WDR17: variants seen among roughly 807,000 people sequenced by gnomAD.
WDR17 encodes the protein WD repeat domain 17, also known as WD repeat-containing protein 17.
A neutral mutation model predicts 161.7 loss-of-function variants in WDR17; 143 were observed. That is an observed-to-expected ratio of 0.88 (90% confidence interval 0.77 to 1.02). The LOEUF (loss-of-function observed/expected upper bound fraction) is 1.02. Among genes scored for constraint, WDR17 ranks in the 50% least tolerant of loss-of-function variants. The probability of loss-of-function intolerance (pLI) is 0.00; values close to 1 mark genes in which losing one functional copy is unlikely to be tolerated. For missense variants in WDR17, 1,469 were observed against 1,520.9 expected, an observed-to-expected ratio of 0.97 and a Z score of 0.57; for synonymous variants, 517 against 515.6, an observed-to-expected ratio of 1.00 and a Z score of -0.04.
At chr4:176,087,619 C>A (rs1038524728) in intron 1 of WDR17, among the ~76,000 whole-genome samples, 1 of 152,034 alleles carries the variant, frequency 6.6e-6, no homozygotes, top group African/African-American at 2.4e-5. Context: ...ACTACTCTTA[C>A]ATACATGTTT....
rs1742894882 is a variant in WDR17 at position 176,128,836 on chromosome 4, C to G, written c.889C>G (p.Leu297Val). Residue 297 changes from leucine to valine, a missense_variant, in exon 6 of 29, where the codon CTT becomes GTT. Transcript: ENST00000508596. ...KKTGFHCLHV[L>V]NSPPRKKFSV... ...AACAGGATTTCACTGCTTACATGTA[C>G]TTAATTCTCCTCCAAGAAAAAAGTG... The G allele has an allele frequency of 6.3e-7, 1 of 1,575,778 alleles. No homozygotes were observed. The highest frequency in any genetic ancestry group is 8.6e-7 in the Non-Finnish European group (1 of 1,166,162).
chr4:176,108,719 G>C (rs1739219879), intron 1 of WDR17, among the ~76,000 whole-genome samples: 1 of 152,040 alleles, frequency 6.6e-6, no homozygotes. Flanking sequence ...GCTCAATTTT[G>C]CTGTTTTTCT....
chr4:176,072,601 T>G (rs1374498371), intron 1 of WDR17, among the ~76,000 whole-genome samples: 1 of 152,176 alleles, frequency 6.6e-6, no homozygotes, highest in African/African-American at 2.4e-5. Flanking sequence ...CTCAAGTTAG[T>G]GGGCCAATGG....
Position 176,182,065 on chromosome 4 carries a change from ATTT to A in WDR17, c.*2489_*2491del, listed in dbSNP as rs1752214495. ...AACAAATTTTTTAATTCATAAAAGT[ATTT>A]TTATTAGATTTCATATGCATGAAAC... is the stretch of plus-strand genomic sequence containing the variant. On this transcript the variant is annotated 3_prime_UTR_variant, in exon 29 of 29. Transcript: ENST00000508596. The surrounding 1 kb of genome is among the most constrained non-coding windows in gnomAD (Gnocchi z 4.2). The A allele has an allele frequency of 6.6e-6, 1 of 152,064 alleles. No individual in the cohort carries two copies. The highest frequency in any genetic ancestry group is 1.5e-5 in the Non-Finnish European group (1 of 67,942). 9.4% of individuals were successfully genotyped at this position (152,064 alleles called of 1,614,324 possible). A position where few individuals can be genotyped will look rare whatever the true frequency, so the allele number is the denominator to read the frequency against.
intron 2 of WDR17, 132 bp downstream of exon 2, chr4:176,111,835 T>A (rs1320093588): frequency 6.7e-6 from 6 of 894,612 alleles, no homozygotes; most frequent in African/African-American, 1.7e-5. Flanking sequence ...TTTTAAAGTT[T>A]TGTGATTTAT....
intron 6 of WDR17, among the ~76,000 whole-genome samples, chr4:176,130,498 A>G (rs1446262035): frequency 6.6e-6 from 1 of 152,116 alleles, no homozygotes; most frequent in Non-Finnish European, 1.5e-5. Context: ...TAATCCCAGC[A>G]CTTCGGGAGG....
intron 1 of WDR17, among the ~76,000 whole-genome samples, chr4:176,090,867 G>A (rs996626264): frequency 2.0e-5 from 3 of 152,076 alleles, no homozygotes; most frequent in Admixed American, 6.6e-5. Context: ...GGAAACAAAG[G>A]GATGGGCTGA....
At chr4:176,074,943 C>T (rs1489747997) in intron 1 of WDR17, among the ~76,000 whole-genome samples, 1 of 149,738 alleles carries the variant, frequency 6.7e-6, no homozygotes, top group African/African-American at 2.5e-5. Context: ...AATAAACTTC[C>T]CCAAATTTTA....
intron 1 of WDR17, among the ~76,000 whole-genome samples, chr4:176,098,590 CT>C (rs1317181102): frequency 6.6e-6 from 1 of 151,796 alleles, no homozygotes; most frequent in Non-Finnish European, 1.5e-5. Context: ...ACAAAAGGTT[CT>C]GGACATTTTG....
intron 1 of WDR17, among the ~76,000 whole-genome samples, chr4:176,101,728 A>G (rs1336718505): frequency 6.6e-6 from 1 of 152,134 alleles, no homozygotes; most frequent in Admixed American, 6.6e-5. Flanking sequence ...ATCCACATAA[A>G]TATACTCAAC....
intron 7 of WDR17, 90 bp downstream of exon 7, chr4:176,131,828 A>T (rs1314906241): frequency 9.3e-7 from 1 of 1,071,032 alleles, no homozygotes; most frequent in East Asian, 2.8e-5. Context: ...ATTATTTGAA[A>T]TTATTTTTGT....
At position 176,167,661 on chromosome 4, in the gene WDR17, A is replaced by C. The variant is rs13126662; in HGVS notation, c.2991-1011A>C. ...CTCCGTCTCAAAAAAAAAAAAAAAA[A>C]AAAAAAAAAAACAATATCTTGAATT... On this transcript the variant is annotated intron_variant, in intron 22 of 28. Transcript: ENST00000508596. 4.1e-3 allele frequency among the ~76,000 whole-genome samples: 472 copies of C among 113,772 alleles called. 19 individuals carry two copies. The highest frequency in any genetic ancestry group is 0.014 in the African/African-American group (443 of 30,812). 74.6% of individuals were successfully genotyped at this position (113,772 alleles called of 152,430 possible).
chr4:176,135,013 G>T (rs928871307), intron 7 of WDR17, 95 bp from the exon 8 acceptor site: 27 of 1,259,306 alleles, frequency 2.1e-5, no homozygotes, highest in Non-Finnish European at 2.8e-5. Context: ...TTGGAAAACC[G>T]TATACATGTG....
chr4:176,072,108 A>G (rs948553817), intron 1 of WDR17, among the ~76,000 whole-genome samples: 4 of 152,216 alleles, frequency 2.6e-5, no homozygotes, highest in African/African-American at 7.2e-5. Context: ...TTTGTCTTCT[A>G]AGCTTTTAAG....
intron 1 of WDR17, among the ~76,000 whole-genome samples, chr4:176,088,906 G>T (rs138661031): frequency 2.0e-5 from 3 of 152,140 alleles, no homozygotes; most frequent in South Asian, 4.1e-4. Flanking sequence ...ATATCCCAGA[G>T]ATAGATTTAA....
chr4:176,147,642 T>C (rs1283929534), intron 12 of WDR17, among the ~76,000 whole-genome samples: 2 of 152,234 alleles, frequency 1.3e-5, no homozygotes, highest in South Asian at 2.1e-4. Context: ...TTATTAGTCA[T>C]ATTTTCCACT....
chr4:176,155,476 G>A (rs541807055), intron 17 of WDR17, among the ~76,000 whole-genome samples: 109 of 150,506 alleles, frequency 7.2e-4, no homozygotes, highest in African/African-American at 2.6e-3. Context: ...CTAAGGAACC[G>A]AGGGGTACTT....
intron 1 of WDR17, among the ~76,000 whole-genome samples, chr4:176,104,472 T>C (rs1223101231): frequency 1.3e-5 from 2 of 152,012 alleles, no homozygotes; most frequent in Non-Finnish European, 2.9e-5. Context: ...GTAACTTTGG[T>C]TGGTGATTCC....
At chr4:176,123,977 A>T (rs1378955765) in intron 4 of WDR17, among the ~76,000 whole-genome samples, 4 of 152,226 alleles carry the variant, frequency 2.6e-5, no homozygotes, top group Non-Finnish European at 5.9e-5. Flanking sequence ...TAGAGATTCC[A>T]AGGATTTTAG....
Sources: gnomAD v4.1 joint callset for allele counts (sites outside exome capture counted in the v4.1 genomes callset) on GRCh38, gnomAD v4.1.1 for gene constraint, Gnocchi (gnomAD v3.1) non-coding constraint, MANE v1.5 for transcripts, NCBI Gene and HGNC (gene_info 2026-07-23, HGNC 2026-07-21) for gene names.